The following PDE7A variants were observed in gnomAD, a reference collection of about 807,000 sequenced individuals.
PDE7A encodes the protein high affinity 3',5'-cyclic-AMP phosphodiesterase 7A.
In PDE7A, 39 loss-of-function variants were observed where a neutral mutation model predicts 64.3. The observed-to-expected ratio is 0.61, with a 90% confidence interval of 0.47 to 0.79. PDE7A has a LOEUF of 0.79. PDE7A is among the 30% of genes least tolerant of loss of function. The pLI is 0.00. For missense variants in PDE7A, 470 were observed against 582.8 expected (o/e 0.81, Z 1.99); for synonymous variants, 203 against 206.8 (o/e 0.98, Z 0.16).
chr8:65,794,412 C>T (rs1045140893), intron 1 of PDE7A, among the ~76,000 whole-genome samples: 10 of 149,962 alleles, frequency 6.7e-5, no homozygotes, highest in African/African-American at 2.2e-4. Flanking sequence ...TTAATGAGAC[C>T]GATTTGTAGG....
intron 3 of PDE7A, among the ~76,000 whole-genome samples, chr8:65,757,140 T>C (rs1808271403): frequency 6.6e-6 from 1 of 152,132 alleles, no homozygotes; most frequent in African/African-American, 2.4e-5. Flanking sequence ...AGACTCTCTC[T>C]GGGGAAGGTC....
chr8:65,800,010 C>A (rs1396110360), intron 1 of PDE7A, among the ~76,000 whole-genome samples: 1 of 152,094 alleles, frequency 6.6e-6, no homozygotes, highest in Non-Finnish European at 1.5e-5. Flanking sequence ...CTAGCTAGCC[C>A]CAGAGGTAAC....
intron 1 of PDE7A, chr8:65,789,026 T>A: frequency 6.4e-7 from 1 of 1,555,408 alleles, no homozygotes; most frequent in Non-Finnish European, 8.7e-7. Context: ...AAATACCAGC[T>A]GTCCCGAGGC....
intron 3 of PDE7A, among the ~76,000 whole-genome samples, chr8:65,774,820 G>A (rs74815707): frequency 0.037 from 5,570 of 151,836 alleles, 150 homozygotes; most frequent in African/African-American, 0.075. Flanking sequence ...AGAAACGTCC[G>A]GCTGTTTCTC....
At chr8:65,794,829 A>G (rs1018958980) in intron 1 of PDE7A, among the ~76,000 whole-genome samples, 3 of 152,212 alleles carry the variant, frequency 2.0e-5, no homozygotes, top group African/African-American at 7.2e-5. Flanking sequence ...CAGCATAACA[A>G]CAAGTAATTA....
intron 3 of PDE7A, among the ~76,000 whole-genome samples, chr8:65,762,991 ATG>A (rs34371328): frequency 0.18 from 25,340 of 138,270 alleles, 2,260 homozygotes; most frequent in East Asian, 0.33. Flanking sequence ...TATAAAAACA[ATG>A]TGTGTGTGTG....
chr8:65,733,740 TC>T (rs1234289457), intron 7 of PDE7A, among the ~76,000 whole-genome samples: 1 of 152,196 alleles, frequency 6.6e-6, no homozygotes, highest in South Asian at 2.1e-4. Flanking sequence ...TTTTTAAAAG[TC>T]ATGATATATA....
intron 3 of PDE7A, among the ~76,000 whole-genome samples, chr8:65,755,576 A>G (rs1808191283): frequency 1.3e-5 from 2 of 152,186 alleles, no homozygotes; most frequent in South Asian, 2.1e-4. Flanking sequence ...ACATCTTTAT[A>G]TGTGTGTGCC....
At chr8:65,739,733 ATCT>A (rs1330518603) in intron 5 of PDE7A, 136 bp from the exon 6 acceptor site, 4 of 933,818 alleles carry the variant, frequency 4.3e-6, no homozygotes, top group Non-Finnish European at 5.6e-6. Flanking sequence ...AAAAATATGC[ATCT>A]TCTTACCAGT....
intron 1 of PDE7A, among the ~76,000 whole-genome samples, chr8:65,819,253 C>T (rs1810482985): frequency 6.6e-6 from 1 of 152,132 alleles, no homozygotes; most frequent in African/African-American, 2.4e-5. Context: ...GTTAAGTTAG[C>T]TGGGTGTGGT....
chr8:65,829,221 A>G (rs549728428), intron 1 of PDE7A, among the ~76,000 whole-genome samples: 3 of 152,272 alleles, frequency 2.0e-5, no homozygotes, highest in South Asian at 2.1e-4. Flanking sequence ...GGCTTCATTC[A>G]TAAGTTAATT....
At chr8:65,768,931 T>A (rs937124312) in intron 3 of PDE7A, among the ~76,000 whole-genome samples, 3 of 152,160 alleles carry the variant, frequency 2.0e-5, no homozygotes, top group Admixed American at 6.6e-5. Context: ...ATTTTTTTAT[T>A]CTGGCATGAA....
chr8:65,809,923 G>C, intron 1 of PDE7A, among the ~76,000 whole-genome samples: 1 of 152,292 alleles, frequency 6.6e-6, no homozygotes, highest in South Asian at 2.1e-4. Context: ...TTCAACCATT[G>C]TGGAAGACAG....
intron 1 of PDE7A, among the ~76,000 whole-genome samples, chr8:65,835,657 G>C (rs1810934358): frequency 6.6e-6 from 1 of 152,116 alleles, no homozygotes; most frequent in South Asian, 2.1e-4. Flanking sequence ...GAGAATGAAG[G>C]GCACCTCTCC....
intron 12 of PDE7A, chr8:65,720,591 A>G (rs1239991251): frequency 6.5e-6 from 1 of 154,088 alleles, no homozygotes; most frequent in Non-Finnish European, 1.5e-5. Context: ...ATTATGTACA[A>G]TATGTGCAAT....
chr8:65,742,943 A>G (rs1807507314), intron 5 of PDE7A, among the ~76,000 whole-genome samples: 1 of 152,210 alleles, frequency 6.6e-6, no homozygotes, highest in Admixed American at 6.5e-5. Flanking sequence ...TGCTTAGTTA[A>G]CTACTGTGGA....
rs1425822825 is a variant in PDE7A at position 65,825,989 on chromosome 8, G to A, written c.138+15382C>T. Among the ~76,000 whole-genome samples, 3 of 152,270 alleles carry A rather than the reference G, an allele frequency of 2.0e-5. 1 individual carries two copies. Among genetic ancestry groups the A allele is most frequent in the African/African-American group, 7.2e-5 (3 of 41,550 alleles). On this transcript the variant is annotated intron_variant, in intron 1 of 12. Coordinates refer to ENST00000401827, the MANE Select transcript of PDE7A (RefSeq NM_001242318.3). The stretch of plus-strand genomic sequence containing the variant: ...GTGCTATTTTGAAGAGGATGGTCAA[G>A]GAAGGCTCCTCTGCAAAGACTGGGC...
intron 1 of PDE7A, among the ~76,000 whole-genome samples, chr8:65,815,819 C>A (rs1432553050): frequency 6.6e-6 from 1 of 152,176 alleles, no homozygotes; most frequent in East Asian, 1.9e-4. Flanking sequence ...TTGAGTTTTA[C>A]TGTCATATCA....
chr8:65,817,462 C>T (rs1433089676), intron 1 of PDE7A, among the ~76,000 whole-genome samples: 1 of 152,144 alleles, frequency 6.6e-6, no homozygotes. Flanking sequence ...CTTTATTTGT[C>T]ACCAGTTTTT....
Sources: gnomAD v4.1 joint callset for allele counts (sites outside exome capture counted in the v4.1 genomes callset) on GRCh38, gnomAD v4.1.1 for gene constraint, MANE v1.5 for transcripts, NCBI Gene and HGNC (gene_info 2026-07-23, HGNC 2026-07-21) for gene names.